BLTP1: variants seen among roughly 807,000 people sequenced by gnomAD.
BLTP1 encodes bridge-like lipid transfer protein family member 1, also known as fragile site-associated protein.
At chr4:122,273,871 GA>G in the BLTP1 span, among the ~76,000 whole-genome samples, 5 of 151,898 alleles carry the variant, frequency 3.3e-5, no homozygotes, top group Admixed American at 1.3e-4. Flanking sequence ...AATGCTAAAT[GA>G]AAAAAGTAGG....
the BLTP1 span, chr4:122,227,188 A>G: frequency 9.9e-7 from 1 of 1,007,242 alleles, no homozygotes. Flanking sequence ...TGAATTCTTC[A>G]CATGACATGG....
At chr4:122,195,422 TTGTC>T in the BLTP1 span, among the ~76,000 whole-genome samples, 9 of 146,006 alleles carry the variant, frequency 6.2e-5, no homozygotes, top group African/African-American at 2.2e-4. Context: ...CTTCCTAACA[TTGTC>T]TGGCATTTTT....
the BLTP1 span, chr4:122,308,259 C>T: frequency 1.5e-6 from 2 of 1,306,888 alleles, no homozygotes; most frequent in African/African-American, 3.0e-5. Flanking sequence ...TTCAGTGTAA[C>T]AGTTTATAAC....
the BLTP1 span, chr4:122,220,333 C>T: frequency 1.5e-5 from 24 of 1,612,314 alleles, no homozygotes; most frequent in Non-Finnish European, 2.0e-5. Context: ...TTGACTGTAG[C>T]ATGGAACTAC....
At chr4:122,308,537 T>C in the BLTP1 span, among the ~76,000 whole-genome samples, 1 of 152,128 alleles carries the variant, frequency 6.6e-6, no homozygotes, top group South Asian at 2.1e-4. Context: ...TTAAGAATAC[T>C]GTTTAATGAA....
chr4:122,235,301 T>C, the BLTP1 span: 1 of 960,446 alleles, frequency 1.0e-6, no homozygotes, highest in Non-Finnish European at 1.2e-6. Context: ...CCTTACATAC[T>C]GTTATTTTCC....
chr4:122,329,229 A>C, the BLTP1 span, among the ~76,000 whole-genome samples: 17,253 of 151,596 alleles, frequency 0.11, 1,421 homozygotes, highest in African/African-American at 0.24. Flanking sequence ...TTTATTATTG[A>C]GTTGGGAACA....
the BLTP1 span, chr4:122,250,520 G>A: frequency 6.2e-7 from 1 of 1,613,770 alleles, no homozygotes; most frequent in South Asian, 1.1e-5. Context: ...TCTTCCATGT[G>A]ACCGGACAAG....
At chr4:122,214,024 A>G in the BLTP1 span, 1 of 171,752 alleles carries the variant, frequency 5.8e-6, no homozygotes, top group Non-Finnish European at 1.2e-5. Context: ...TATTAAAAAT[A>G]ATTTTAATAA....
chr4:122,182,039 A>T, the BLTP1 span, among the ~76,000 whole-genome samples: 1 of 152,342 alleles, frequency 6.6e-6, no homozygotes, highest in South Asian at 2.1e-4. Flanking sequence ...CAAAAAATTT[A>T]AAAAAGAACA....
At chr4:122,192,797 A>G in the BLTP1 span, among the ~76,000 whole-genome samples, 1 of 152,208 alleles carries the variant, frequency 6.6e-6, no homozygotes, top group Admixed American at 6.5e-5. Flanking sequence ...GACTAATATT[A>G]GGTGCTATAA....
the BLTP1 span, chr4:122,267,481 A>G: frequency 5.4e-6 from 1 of 183,816 alleles, no homozygotes; most frequent in African/African-American, 2.4e-5. Flanking sequence ...TTTTAGGCAT[A>G]TTTTTGAACC....
the BLTP1 span, chr4:122,317,978 TG>T: frequency 4.8e-6 from 1 of 207,996 alleles, no homozygotes; most frequent in South Asian, 1.7e-4. Context: ...AGATGTTTTT[TG>T]TTTTCTTAAC....
the BLTP1 span, chr4:122,266,647 T>C: frequency 1.5e-6 from 1 of 656,218 alleles, no homozygotes; most frequent in Non-Finnish European, 2.3e-6. Context: ...TATGAGACCA[T>C]TTTTGCTTCA....
At chr4:122,181,317 A>G in the BLTP1 span, 17 of 607,180 alleles carry the variant, frequency 2.8e-5, no homozygotes, top group South Asian at 7.3e-5. Flanking sequence ...GCACTTGAAC[A>G]CTCCTCTTTT....
At chr4:122,362,170 T>G in the BLTP1 span, 9 of 1,613,486 alleles carry the variant, frequency 5.6e-6, no homozygotes, top group Non-Finnish European at 7.6e-6. Context: ...CAAGGTTCTG[T>G]CAGTTCTTAT....
At chr4:122,287,209 C>T in the BLTP1 span, among the ~76,000 whole-genome samples, 1 of 152,120 alleles carries the variant, frequency 6.6e-6, no homozygotes, top group South Asian at 2.1e-4. Context: ...CAAATTCATA[C>T]AGGTATACAT....
At chr4:122,336,913 T>A in the BLTP1 span, 1 of 1,608,842 alleles carries the variant, frequency 6.2e-7, no homozygotes, top group Non-Finnish European at 8.5e-7. Flanking sequence ...TATGGGACAT[T>A]TTGAAATACC....
At chr4:122,327,003 A>C in the BLTP1 span, among the ~76,000 whole-genome samples, 2 of 151,930 alleles carry the variant, frequency 1.3e-5, no homozygotes, top group African/African-American at 4.8e-5. Flanking sequence ...AATTGCACAT[A>C]AATTACCTTG....
Sources: allele counts gnomAD v4.1 joint callset (sites outside exome capture counted in the v4.1 genomes callset), GRCh38; gene constraint gnomAD v4.1.1; transcripts MANE v1.5; gene names NCBI Gene and HGNC (gene_info 2026-07-23, HGNC 2026-07-21).